The following MAGI2 variants were observed in gnomAD, a reference collection of about 807,000 sequenced individuals.
The protein encoded by MAGI2 is membrane associated guanylate kinase, WW and PDZ domain containing 2.
A neutral mutation model predicts 133.3 loss-of-function variants in MAGI2; 35 were observed. That is an observed-to-expected ratio of 0.26 (90% CI 0.20 to 0.35). The LOEUF is 0.35. Among genes scored for constraint, MAGI2 ranks in the 10% least tolerant of loss-of-function variants. The pLI is 1.00. For missense variants in MAGI2, 1,636 were observed against 1,863.4 expected (o/e 0.88, Z 2.25); for synonymous variants, 729 against 710.6 (o/e 1.03, Z -0.41).
At chr7:78,130,709 A>C (rs1258015170) in intron 18 of MAGI2, among the ~76,000 whole-genome samples, 1 of 152,222 alleles carries the variant, frequency 6.6e-6, no homozygotes, top group African/African-American at 2.4e-5. Flanking sequence ...TAGTAATGGA[A>C]GCAAAATATC....
chr7:78,454,168 C>T (rs7792126), intron 6 of MAGI2, among the ~76,000 whole-genome samples: 49,968 of 152,016 alleles, frequency 0.33, 10,531 homozygotes, highest in African/African-American at 0.61. Context: ...GTGATTACTC[C>T]ATCGCATGAG....
intron 2 of MAGI2, among the ~76,000 whole-genome samples, chr7:78,857,264 C>T (rs957977486): frequency 1.1e-4 from 17 of 152,070 alleles, no homozygotes; most frequent in African/African-American, 4.1e-4. Flanking sequence ...TATCTGATTG[C>T]CCTGGCCATA....
chr7:78,705,160 A>G (rs1818507022), intron 2 of MAGI2, among the ~76,000 whole-genome samples: 2 of 152,028 alleles, frequency 1.3e-5, no homozygotes, highest in African/African-American at 4.8e-5. Flanking sequence ...TGTAATCCCC[A>G]CATATCAATG....
intron 20 of MAGI2, among the ~76,000 whole-genome samples, chr7:78,083,161 C>T (rs182859453): frequency 7.4e-4 from 112 of 151,948 alleles, no homozygotes; most frequent in Admixed American, 1.8e-3. Flanking sequence ...ATAGAAAATT[C>T]GCAGCCCTTT....
chr7:78,690,414 T>A (rs1321010912), intron 2 of MAGI2, among the ~76,000 whole-genome samples: 1 of 152,144 alleles, frequency 6.6e-6, no homozygotes, highest in African/African-American at 2.4e-5. Context: ...TGCTCCCTGC[T>A]TAACTGTCAT....
chr7:78,821,277 A>G (rs1163850456), intron 2 of MAGI2, among the ~76,000 whole-genome samples: 1 of 152,044 alleles, frequency 6.6e-6, no homozygotes, highest in Non-Finnish European at 1.5e-5. Flanking sequence ...TGTGCCAGGC[A>G]CTGTTTTAGG....
intron 1 of MAGI2, among the ~76,000 whole-genome samples, chr7:79,255,762 T>C (rs1205474227): frequency 6.6e-6 from 1 of 152,004 alleles, no homozygotes; most frequent in Non-Finnish European, 1.5e-5. Flanking sequence ...TCCATCTTAC[T>C]CTCATGCCAA....
intron 7 of MAGI2, chr7:78,359,501 C>T (rs191004181): frequency 6.6e-6 from 1 of 152,246 alleles, no homozygotes; most frequent in African/African-American, 2.4e-5. Flanking sequence ...TATCCTTTAT[C>T]TTTAGAAATG....
intron 6 of MAGI2, among the ~76,000 whole-genome samples, chr7:78,476,709 A>C (rs1440681968): frequency 6.6e-6 from 1 of 151,940 alleles, no homozygotes; most frequent in Non-Finnish European, 1.5e-5. Context: ...ATAAAATCTT[A>C]AGCTGTTGGA....
At chr7:78,718,526 T>C (rs1346699271) in intron 2 of MAGI2, among the ~76,000 whole-genome samples, 3 of 151,896 alleles carry the variant, frequency 2.0e-5, no homozygotes, top group African/African-American at 4.8e-5. Context: ...GAACCCTATC[T>C]TGAACAGTGA....
intron 9 of MAGI2, among the ~76,000 whole-genome samples, chr7:78,273,340 C>T (rs930046532): frequency 3.3e-5 from 5 of 152,154 alleles, no homozygotes; most frequent in African/African-American, 1.2e-4. Flanking sequence ...TGTGGGTAAC[C>T]CAACATTTCT....
chr7:79,062,049 T>G (rs902077610), intron 1 of MAGI2, among the ~76,000 whole-genome samples: 6 of 152,058 alleles, frequency 3.9e-5, no homozygotes, highest in Non-Finnish European at 8.8e-5. Flanking sequence ...GATAAGTCCT[T>G]TCTTCCTTCA....
intron 21 of MAGI2, among the ~76,000 whole-genome samples, chr7:78,066,616 G>T (rs2151150380): frequency 6.6e-6 from 1 of 152,256 alleles, no homozygotes; most frequent in Non-Finnish European, 1.5e-5. Flanking sequence ...CTTCGTGGTG[G>T]TCTTGGTCTG....
chr7:78,452,174 A>G (rs754216958), intron 6 of MAGI2, among the ~76,000 whole-genome samples: 2 of 152,050 alleles, frequency 1.3e-5, no homozygotes, highest in Non-Finnish European at 2.9e-5. Flanking sequence ...ATTATTATCC[A>G]TACTTTAAAA....
chr7:79,387,094 T>TGTGTGTGTGTGTG (rs1844236781), intron 1 of MAGI2, among the ~76,000 whole-genome samples: 10 of 141,588 alleles, frequency 7.1e-5, no homozygotes, highest in African/African-American at 2.4e-4. Context: ...ATTTTTATGC[T>TGTGTGTGTGTGTG]TGTGTGTGTG....
chr7:78,623,558 T>TACAGCAC (rs1385491894), intron 3 of MAGI2, among the ~76,000 whole-genome samples: 1 of 152,104 alleles, frequency 6.6e-6, no homozygotes, highest in East Asian at 1.9e-4. Flanking sequence ...ATGAAGAAGG[T>TACAGCAC]ACAGCACTAA....
intron 11 of MAGI2, among the ~76,000 whole-genome samples, chr7:78,195,461 A>T (rs1828637331): frequency 6.6e-6 from 1 of 152,368 alleles, no homozygotes; most frequent in Admixed American, 6.5e-5. Context: ...TCAACATATT[A>T]CATCACTTTC....
At chr7:79,037,214 T>C (rs1028968644) in intron 1 of MAGI2, among the ~76,000 whole-genome samples, 16 of 152,170 alleles carry the variant, frequency 1.1e-4, no homozygotes, top group Non-Finnish European at 2.1e-4. Context: ...ACAGCTATTA[T>C]GTGGGGAAAA....
At chr7:79,059,252 A>G (rs1390328135) in intron 1 of MAGI2, among the ~76,000 whole-genome samples, 1 of 152,048 alleles carries the variant, frequency 6.6e-6, no homozygotes, top group African/African-American at 2.4e-5. Context: ...TTTTTAATAT[A>G]TGTTTCTCCC....
Sources: allele counts gnomAD v4.1 joint callset (sites outside exome capture counted in the v4.1 genomes callset), GRCh38; gene constraint gnomAD v4.1.1; transcripts MANE v1.5; gene names NCBI Gene and HGNC (gene_info 2026-07-23, HGNC 2026-07-21).